PXT1: variants seen among roughly 807,000 people sequenced by gnomAD.
The protein encoded by PXT1 is peroxisomal testis-specific protein 1.
Under a neutral mutation model 11.0 loss-of-function variants are expected in PXT1, and 11 were observed. The observed-to-expected ratio is 1.00, with a 90% CI of 0.63 to 1.66. The LOEUF (loss-of-function observed/expected upper bound fraction) is 1.66. PXT1 is among the 40% of genes most tolerant of loss of function. The probability of loss-of-function intolerance (pLI) is 0.00; values close to 1 mark genes in which losing one functional copy is unlikely to be tolerated. For missense variants in PXT1, 141 were observed against 155.5 expected (o/e 0.91, Z 0.49); for synonymous variants, 43 against 51.4 (o/e 0.84, Z 0.70).
At chr6:36,439,924 G>A (rs1774830934) in intron 1 of PXT1, among the ~76,000 whole-genome samples, 1 of 152,238 alleles carries the variant, frequency 6.6e-6, no homozygotes, top group South Asian at 2.1e-4. Flanking sequence ...AATATAGTGA[G>A]ACTTCCTCTC....
Position 36,391,791 on chromosome 6 carries a change from GA to G in PXT1, c.383del (p.Phe128SerfsTer71). The stretch of plus-strand genomic sequence containing the variant: ...CCTTTTACAGCAAATGGTTGTTCCA[GA>G]AAAAATGCAGCAACACCTGAACTCT... ...FRRVQVLLHF[F>X]WNNHLL On this transcript the variant is annotated frameshift_variant, in exon 5 of 5. Transcript: ENST00000454782. LOFTEE classifies it high-confidence loss of function. 1.9e-6 allele frequency: 3 copies of G among 1,612,338 alleles called. No homozygotes were observed. Among genetic ancestry groups the G allele is most frequent in the Non-Finnish European group, 2.5e-6 (3 of 1,179,038 alleles).
intron 1 of PXT1, among the ~76,000 whole-genome samples, chr6:36,440,721 T>TC (rs1165903919): frequency 6.6e-6 from 1 of 152,132 alleles, no homozygotes; most frequent in Non-Finnish European, 1.5e-5. Flanking sequence ...ATTTCTCATA[T>TC]CCCGTCTCCT....
chr6:36,414,135 A>C (rs1016223868), intron 3 of PXT1, among the ~76,000 whole-genome samples: 1 of 150,232 alleles, frequency 6.7e-6, no homozygotes, highest in Non-Finnish European at 1.5e-5. Context: ...GTAAAACACA[A>C]TAAATAGAGT....
chr6:36,432,816 G>A (rs1336526625), intron 2 of PXT1, among the ~76,000 whole-genome samples: 1 of 152,062 alleles, frequency 6.6e-6, no homozygotes, highest in African/African-American at 2.4e-5. Context: ...CAGATAGGGG[G>A]ACACTTGGCA....
intron 3 of PXT1, among the ~76,000 whole-genome samples, chr6:36,423,269 T>C (rs912825290): frequency 5.3e-5 from 8 of 152,256 alleles, no homozygotes; most frequent in Non-Finnish European, 1.2e-4. Flanking sequence ...CTCTGGACAG[T>C]ACTTAGGCAT....
intron 2 of PXT1, among the ~76,000 whole-genome samples, chr6:36,426,595 C>A (rs1001391236): frequency 9.2e-5 from 14 of 151,982 alleles, no homozygotes; most frequent in Non-Finnish European, 8.8e-5. Flanking sequence ...GTCTCAAACT[C>A]CTGACCTCAG....
chr6:36,427,841 G>T (rs899399048), intron 2 of PXT1, among the ~76,000 whole-genome samples: 5 of 152,142 alleles, frequency 3.3e-5, no homozygotes, highest in Admixed American at 3.3e-4. Flanking sequence ...TGGACGGCCA[G>T]CCATACAAAC....
At chr6:36,430,508 TGGAA>T (rs1774677542) in intron 2 of PXT1, among the ~76,000 whole-genome samples, 1 of 152,080 alleles carries the variant, frequency 6.6e-6, no homozygotes, top group South Asian at 2.1e-4. Context: ...AATGTGACAA[TGGAA>T]GCAGAGGTCA....
chr6:36,407,741 T>C (rs1774311012), intron 3 of PXT1, among the ~76,000 whole-genome samples: 1 of 152,096 alleles, frequency 6.6e-6, no homozygotes, highest in Admixed American at 6.5e-5. Context: ...ATAGCCTATT[T>C]AAAGGTATAG....
chr6:36,413,403 C>T (rs997430581), intron 3 of PXT1, among the ~76,000 whole-genome samples: 7 of 144,916 alleles, frequency 4.8e-5, no homozygotes, highest in African/African-American at 7.5e-5. Context: ...GGTGACAGAG[C>T]GAGACTCCAT....
chr6:36,403,902 T>C (rs1470324730), intron 3 of PXT1, among the ~76,000 whole-genome samples: 1 of 152,182 alleles, frequency 6.6e-6, no homozygotes, highest in African/African-American at 2.4e-5. Flanking sequence ...ACCTTTATGA[T>C]GTTTTAGCCA....
chr6:36,438,220 C>A (rs1774795783), intron 2 of PXT1, among the ~76,000 whole-genome samples: 1 of 152,064 alleles, frequency 6.6e-6, no homozygotes, highest in African/African-American at 2.4e-5. Context: ...ATAATAAATT[C>A]TTTGTAAAAT....
Position 36,390,664 on chromosome 6 carries a change from G to T in PXT1, c.*1106C>A, listed in dbSNP as rs1774053112. ...GTAAACTTTTAATTTATAACAACAAGCTTTCCTAATATTTATAATTCTTTT... is the reference window on the plus strand; with the variant it reads ...GTAAACTTTTAATTTATAACAACAATCTTTCCTAATATTTATAATTCTTTT... On this transcript the variant is annotated 3_prime_UTR_variant, in exon 5 of 5. Transcript: ENST00000454782. 6.6e-6 allele frequency: 1 copy of T among 152,126 alleles called. No individual in the cohort carries two copies. Among genetic ancestry groups the T allele is most frequent in the Non-Finnish European group, 1.5e-5 (1 of 68,036 alleles). 9.4% of individuals were successfully genotyped at this position (152,126 alleles called of 1,614,324 possible). A position where few individuals can be genotyped will look rare whatever the true frequency, so the allele number is the denominator to read the frequency against.
chr6:36,409,612 G>A (rs1220719185), intron 3 of PXT1, among the ~76,000 whole-genome samples: 1 of 152,034 alleles, frequency 6.6e-6, no homozygotes, highest in Non-Finnish European at 1.5e-5. Context: ...GATCACTTGA[G>A]GCCAGGAGTC....
At chr6:36,411,578 A>G (rs1012566876) in intron 3 of PXT1, among the ~76,000 whole-genome samples, 2 of 152,226 alleles carry the variant, frequency 1.3e-5, no homozygotes, top group Non-Finnish European at 2.9e-5. Context: ...ATTACTACCC[A>G]TCTGGGGGAA....
intron 3 of PXT1, among the ~76,000 whole-genome samples, chr6:36,417,828 TAAA>T: frequency 6.6e-6 from 1 of 150,848 alleles, no homozygotes; most frequent in Non-Finnish European, 1.5e-5. Context: ...GGAATAAATG[TAAA>T]TGCACATTAT....
intron 4 of PXT1, among the ~76,000 whole-genome samples, chr6:36,393,642 T>C (rs1158251959): frequency 6.6e-6 from 1 of 152,068 alleles, no homozygotes; most frequent in Non-Finnish European, 1.5e-5. Flanking sequence ...GGCATGATAA[T>C]TGCTTGCACC....
intron 2 of PXT1, among the ~76,000 whole-genome samples, chr6:36,435,809 G>A (rs1452685238): frequency 6.6e-6 from 1 of 152,130 alleles, no homozygotes; most frequent in East Asian, 1.9e-4. Context: ...TCAAAATCCT[G>A]AGAGAAAATG....
intron 4 of PXT1, among the ~76,000 whole-genome samples, chr6:36,397,565 A>G (rs949226852): frequency 2.6e-5 from 4 of 152,272 alleles, no homozygotes; most frequent in African/African-American, 9.6e-5. Flanking sequence ...AAAAGCCTTT[A>G]GAAGAAAACA....
Sources: allele counts gnomAD v4.1 joint callset (sites outside exome capture counted in the v4.1 genomes callset), GRCh38; gene constraint gnomAD v4.1.1; transcripts MANE v1.5; gene names NCBI Gene and HGNC (gene_info 2026-07-23, HGNC 2026-07-21).